The following RNF130 variants were observed in gnomAD, a reference collection of about 807,000 sequenced individuals.
RNF130 encodes the protein ring finger protein 130.
A neutral mutation model predicts 44.6 loss-of-function variants in RNF130; 21 were observed. That is an observed-to-expected ratio of 0.47 (90% CI 0.33 to 0.68). The LOEUF (loss-of-function observed/expected upper bound fraction) is 0.68, where lower values mean the gene tolerates loss of function less well. Ranked by LOEUF, RNF130 falls within the 30% of genes least tolerant of loss-of-function variation. The pLI, the probability that RNF130 is intolerant of heterozygous loss-of-function variation, is 0.02. For missense variants in RNF130, 479 were observed against 560.6 expected, an observed-to-expected ratio of 0.85 and a Z score of 1.47; for synonymous variants, 214 against 210.4, an observed-to-expected ratio of 1.02 and a Z score of -0.15.
At chr5:180,000,442 G>A (rs1001388535) in intron 3 of RNF130, among the ~76,000 whole-genome samples, 14 of 152,248 alleles carry the variant, frequency 9.2e-5, no homozygotes, top group Non-Finnish European at 1.5e-4. Flanking sequence ...ATATATCTCC[G>A]TAGACTTGGG....
chr5:179,979,819 A>G (rs755249079), intron 4 of RNF130, among the ~76,000 whole-genome samples: 1 of 152,220 alleles, frequency 6.6e-6, no homozygotes, highest in Non-Finnish European at 1.5e-5. Context: ...TGAAAAAATA[A>G]AACAACAAAA....
At chr5:180,018,417 A>G (rs553274996) in intron 2 of RNF130, among the ~76,000 whole-genome samples, 1 of 152,224 alleles carries the variant, frequency 6.6e-6, no homozygotes, top group Non-Finnish European at 1.5e-5. Flanking sequence ...TTCACAGGGC[A>G]GCAGGAGAGA....
chr5:179,981,826 G>A (rs547629405), intron 3 of RNF130, among the ~76,000 whole-genome samples: 30 of 152,208 alleles, frequency 2.0e-4, no homozygotes, highest in Middle Eastern at 3.2e-3. Context: ...CGTCTTTGAA[G>A]CCTAATCTAT....
chr5:179,984,219 G>C (rs1762903013), intron 3 of RNF130, among the ~76,000 whole-genome samples: 1 of 152,114 alleles, frequency 6.6e-6, no homozygotes. Context: ...AATGTTGTCT[G>C]TAAATGAAGA....
chr5:180,068,952 G>C (rs1161898033), intron 1 of RNF130, among the ~76,000 whole-genome samples: 1 of 152,050 alleles, frequency 6.6e-6, no homozygotes, highest in Non-Finnish European at 1.5e-5. Flanking sequence ...AATTATAAGA[G>C]CATCAAGGTC....
At chr5:179,973,921 G>A (rs899821355) in intron 5 of RNF130, among the ~76,000 whole-genome samples, 3 of 152,146 alleles carry the variant, frequency 2.0e-5, no homozygotes, top group African/African-American at 4.8e-5. Flanking sequence ...TACAGAACGA[G>A]AAACAAATAG....
intron 2 of RNF130, among the ~76,000 whole-genome samples, chr5:180,036,148 G>A (rs533696355): frequency 4.6e-5 from 7 of 152,186 alleles, no homozygotes; most frequent in Admixed American, 3.3e-4. Flanking sequence ...TCTGGATTCT[G>A]ATATTTTCCC....
intron 7 of RNF130, among the ~76,000 whole-genome samples, chr5:179,965,330 C>T (rs999382214): frequency 2.6e-5 from 4 of 152,194 alleles, no homozygotes; most frequent in African/African-American, 9.7e-5. Flanking sequence ...TGCTACGGTG[C>T]CCAGGGCTTC....
In RNF130 at chr5:180,011,878, T is replaced by C. The variant is rs1431794938; in HGVS notation, c.693+1183A>G. The stretch of plus-strand genomic sequence containing the variant: ...TGAAGGGAATACTTGCCACTTATCT[T>C]ACAAATTTTTTGTTAAGTCTAAAAT... On this transcript the variant is annotated intron_variant, in intron 3 of 8. Transcript: ENST00000521389. 2.0e-5 allele frequency among the ~76,000 whole-genome samples: 3 copies of C among 152,286 alleles called. No individual in the cohort carries two copies. In the Middle Eastern group the frequency reaches 0.01, roughly 518 times the overall value.
intron 7 of RNF130, among the ~76,000 whole-genome samples, chr5:179,922,961 A>G (rs1184893998): frequency 5.3e-5 from 8 of 152,164 alleles, no homozygotes; most frequent in Admixed American, 2.6e-4. Context: ...GTCTTGCCAG[A>G]CATACATTTT....
At chr5:179,940,892 TCTC>T (rs988817810) in intron 7 of RNF130, among the ~76,000 whole-genome samples, 3 of 150,548 alleles carry the variant, frequency 2.0e-5, no homozygotes, top group Non-Finnish European at 3.0e-5. Context: ...GTATTTTTCT[TCTC>T]ATTTTATTTT....
At position 180,071,688 on chromosome 5, in the gene RNF130, C is replaced by T. The variant is rs765364130; in HGVS notation, c.15G>A (p.Gly5=). ...CGGCGAGCCGGGCAGGGCCCGCCCG[C>T]CCCGCGCAGCTCATCGTCCCTCCGG... MSCA[G]RAGPARLAAL... The change falls in exon 1 of 9, where the codon GGG becomes GGA. Residue 5 remains glycine, a synonymous_variant. Coordinates refer to ENST00000521389, the MANE Select transcript of RNF130 (RefSeq NM_018434.6). 7 of 1,384,208 alleles carry T rather than the reference C, an allele frequency of 5.1e-6. No homozygotes were observed. In the South Asian group the frequency reaches 7.8e-5, roughly 16 times the overall value. The allele number at this position is 1,384,208 out of a possible 1,614,324, so 85.7% of individuals were successfully genotyped here. A position where few individuals can be genotyped will look rare whatever the true frequency, so the allele number is the denominator to read the frequency against.
intron 7 of RNF130, among the ~76,000 whole-genome samples, chr5:179,920,779 T>A (rs59273081): frequency 7.2e-6 from 1 of 137,986 alleles, no homozygotes; most frequent in East Asian, 2.0e-4. Context: ...GCATATATAT[T>A]TATATATATA....
At chr5:180,047,868 A>C (rs1764603541) in intron 1 of RNF130, among the ~76,000 whole-genome samples, 1 of 152,088 alleles carries the variant, frequency 6.6e-6, no homozygotes, top group Admixed American at 6.5e-5. Flanking sequence ...GCACTACCAC[A>C]GTCATTCTTT....
intron 7 of RNF130, among the ~76,000 whole-genome samples, chr5:179,931,032 C>CAAAAA (rs34266288): frequency 8.1e-5 from 6 of 74,294 alleles, no homozygotes; most frequent in African/African-American, 3.2e-4. Flanking sequence ...ACCTCTGTCT[C>CAAAAA]AAAAAAAAAA....
chr5:179,941,685 C>T (rs1388428156), intron 7 of RNF130, among the ~76,000 whole-genome samples: 1 of 152,162 alleles, frequency 6.6e-6, no homozygotes, highest in East Asian at 1.9e-4. Flanking sequence ...ATCTTTTCTC[C>T]TCAAGTCATC....
rs138777699 is a variant in RNF130 at position 180,028,137 on chromosome 5, C to A, written c.442+12316G>T. Among the ~76,000 whole-genome samples, 251 of 152,292 alleles carry A rather than the reference C, an allele frequency of 1.6e-3. 4 individuals are homozygous for A. Among genetic ancestry groups the A allele is most frequent in the African/African-American group, 5.8e-3 (240 of 41,556 alleles). On this transcript the variant is annotated intron_variant, in intron 2 of 8. Transcript: ENST00000521389. ...CCTCAGATCCTTCACTTACAAGGGG[C>A]CTTTGGCCTAGAATACTCTTCTCAA...
chr5:179,922,989 G>C (rs897392504), intron 7 of RNF130, among the ~76,000 whole-genome samples: 1 of 152,098 alleles, frequency 6.6e-6, no homozygotes, highest in African/African-American at 2.4e-5. Context: ...TTTCCTCCCA[G>C]TCTGTGACTT....
intron 1 of RNF130, among the ~76,000 whole-genome samples, chr5:180,070,610 T>G (rs1765230276): frequency 6.6e-6 from 1 of 152,194 alleles, no homozygotes; most frequent in Non-Finnish European, 1.5e-5. Context: ...GTGGGGATAA[T>G]GGCAGATATC....
Sources: gnomAD v4.1 joint callset for allele counts (sites outside exome capture counted in the v4.1 genomes callset) on GRCh38, gnomAD v4.1.1 for gene constraint, MANE v1.5 for transcripts, NCBI Gene and HGNC (gene_info 2026-07-23, HGNC 2026-07-21) for gene names.